Variants in STOX2 observed in about 807,000 individuals in gnomAD.
STOX2 encodes storkhead-box protein 2.
STOX2 carries 28 observed loss-of-function variants against 60.9 expected under a neutral mutation model. That is an observed-to-expected ratio of 0.46 (90% CI 0.34 to 0.63). The LOEUF is 0.63. Ranked by LOEUF, STOX2 falls within the 30% of genes least tolerant of loss-of-function variation. STOX2 has a pLI of 0.01. For missense variants in STOX2, 1,024 were observed against 1,187.7 expected, an observed-to-expected ratio of 0.86 and a Z score of 2.03; for synonymous variants, 472 against 463.9, an observed-to-expected ratio of 1.02 and a Z score of -0.22.
chr4:183,827,167 C>G (rs1377670566), intron 1 of STOX2, among the ~76,000 whole-genome samples: 2 of 152,020 alleles, frequency 1.3e-5, no homozygotes, highest in Non-Finnish European at 2.9e-5. Flanking sequence ...TAAAAATAAC[C>G]CCTATTTTAT....
intron 1 of STOX2, among the ~76,000 whole-genome samples, chr4:183,826,734 A>T (rs1049717311): frequency 4.6e-5 from 7 of 152,328 alleles, no homozygotes; most frequent in Admixed American, 1.3e-4. Context: ...CACAGTGTCC[A>T]CTACATAGAA....
chr4:183,978,659 G>C (rs1732537770), intron 1 of STOX2, among the ~76,000 whole-genome samples: 1 of 152,168 alleles, frequency 6.6e-6, no homozygotes, highest in Admixed American at 6.5e-5. Flanking sequence ...ACTTGCAACA[G>C]CATGGATACA....
intron 1 of STOX2, among the ~76,000 whole-genome samples, chr4:183,833,806 A>AC: frequency 6.7e-6 from 1 of 148,742 alleles, no homozygotes; most frequent in East Asian, 2.0e-4. Flanking sequence ...AAACGGTGAA[A>AC]CCCCGTCTCT....
Position 184,021,583 on chromosome 4 carries a change from A to G in STOX2, c.*4299A>G, listed in dbSNP as rs1474377354. On this transcript the variant is annotated 3_prime_UTR_variant, in exon 4 of 4. Transcript: ENST00000308497. ...CAGATCTGGACACACCCTTGTTTAC[A>G]GTTTCATATTGGGTTGCTATAGTTC... The G allele has an allele frequency of 6.6e-6, 1 of 152,232 alleles. No homozygotes were observed. Among genetic ancestry groups the G allele is most frequent in the Non-Finnish European group, 1.5e-5 (1 of 68,044 alleles). 9.4% of individuals were successfully genotyped at this position (152,232 alleles called of 1,614,324 possible).
Position 183,927,336 on chromosome 4 carries a change from A to T in STOX2, c.166+20380A>T, listed in dbSNP as rs140306608. On this transcript the variant is annotated intron_variant, in intron 1 of 3. Transcript: ENST00000308497. ...ACCTGCTTCATGGGATTGTTTGAGG[A>T]TCAAATGCCTTCATCAATGTAAAAC... 1.0e-3 allele frequency among the ~76,000 whole-genome samples: 156 copies of T among 152,330 alleles called. 1 individual carries two copies. Among genetic ancestry groups the T allele is most frequent in the African/African-American group, 3.6e-3 (149 of 41,574 alleles).
At chr4:183,864,211 G>A (rs763639638) in intron 1 of STOX2, among the ~76,000 whole-genome samples, 5 of 152,146 alleles carry the variant, frequency 3.3e-5, no homozygotes, top group Non-Finnish European at 7.3e-5. Context: ...AACATGCACT[G>A]TTATTCTCCA....
chr4:184,009,497 A>G lies in STOX2; in HGVS notation c.659A>G (p.Lys220Arg). Residue 220 changes from lysine to arginine, a missense_variant, in exon 3 of 4, where the codon AAG becomes AGG. Transcript: ENST00000308497. The surrounding 1 kb of genome is among the most constrained non-coding windows in gnomAD (Gnocchi z 4.0). ...HAPTLQRKSAKDCKDPYCPPS... is the reference protein window; with the variant it reads ...HAPTLQRKSARDCKDPYCPPS... ...CCCACCCTGCAAAGGAAGTCTGCCA[A>G]GGACTGCAAAGACCCTTACTGTCCC... The G allele has an allele frequency of 6.2e-7, 1 of 1,614,052 alleles. No homozygotes were observed. The highest frequency in any genetic ancestry group is 8.5e-7 in the Non-Finnish European group (1 of 1,179,894).
intron 2 of STOX2, among the ~76,000 whole-genome samples, chr4:184,004,228 T>G (rs1733719038): frequency 6.6e-6 from 1 of 152,164 alleles, no homozygotes; most frequent in African/African-American, 2.4e-5. Flanking sequence ...AAATCAAAAG[T>G]GTAGTCTAGA....
intron 1 of STOX2, among the ~76,000 whole-genome samples, chr4:183,854,205 A>G (rs1740233626): frequency 6.6e-6 from 1 of 152,200 alleles, no homozygotes; most frequent in South Asian, 2.1e-4. Context: ...TTGAATAATG[A>G]ATTGGTTCAT....
intron 1 of STOX2, among the ~76,000 whole-genome samples, chr4:183,822,590 G>T: frequency 1.3e-5 from 2 of 152,314 alleles, no homozygotes; most frequent in Middle Eastern, 6.8e-3. Context: ...TTCACAAAAG[G>T]GTTCACGCTC....
chr4:183,862,754 G>A (rs1393853769), intron 1 of STOX2, among the ~76,000 whole-genome samples: 1 of 152,216 alleles, frequency 6.6e-6, no homozygotes, highest in Non-Finnish European at 1.5e-5. Context: ...AGTGTCCTGA[G>A]AAAAACCAAG....
At position 183,852,548 on chromosome 4, in the gene STOX2, G is replaced by GGAAAGGATGAGAGAAAGGTTGAGA. The variant is rs1740179117; in HGVS notation, c.364+54511_364+54512insTTGAGAGAAAGGATGAGAGAAAGG. Among the ~76,000 whole-genome samples, 616 of 70,156 alleles carry GGAAAGGATGAGAGAAAGGTTGAGA rather than the reference G, an allele frequency of 8.8e-3. 71 individuals carry two copies. Among genetic ancestry groups the GGAAAGGATGAGAGAAAGGTTGAGA allele is most frequent in the African/African-American group, 0.033 (586 of 17,906 alleles). The allele number at this position is 70,156 out of a possible 152,430, so 46.0% of individuals were successfully genotyped here. ...GGGAAAGGATGAGGGAAAGGATGAG[G>GGAAAGGATGAGAGAAAGGTTGAGA]GAAAGGATGAGAGAAAGGATGAGGG... On this transcript the variant is annotated intron_variant, in intron 1 of 2. Coordinates refer to the STOX2 transcript ENST00000513034.
At chr4:183,847,751 A>G (rs1307319716) in intron 1 of STOX2, among the ~76,000 whole-genome samples, 2 of 152,204 alleles carry the variant, frequency 1.3e-5, no homozygotes, top group African/African-American at 4.8e-5. Context: ...ACCTGTGACC[A>G]GTTCCAGAGT....
At chr4:183,813,239 C>T (rs1207839472) in intron 1 of STOX2, among the ~76,000 whole-genome samples, 4 of 151,974 alleles carry the variant, frequency 2.6e-5, no homozygotes, top group South Asian at 2.1e-4. Flanking sequence ...AAAAATTAGC[C>T]GGGCAAGGTG....
In STOX2 at chr4:183,956,555, C is replaced by T. The variant is rs2111155426; in HGVS notation, c.167-44770C>T. ...GCACTAATGTTTTAGAGCTGCATTT[C>T]CTAAATGTTTCAGAGGTACATTTCC... On this transcript the variant is annotated intron_variant, in intron 1 of 3. Transcript: ENST00000308497. 2.0e-5 allele frequency among the ~76,000 whole-genome samples: 3 copies of T among 152,128 alleles called. 1 individual carries two copies. The highest frequency in any genetic ancestry group is 2.0e-4 in the Admixed American group (3 of 15,268).
chr4:183,948,540 CTTTTTTTTT>C (rs10687778), intron 1 of STOX2, among the ~76,000 whole-genome samples: 3 of 78,182 alleles, frequency 3.8e-5, no homozygotes, highest in Non-Finnish European at 6.8e-5. Context: ...ATGCCTTATC[CTTTTTTTTT>C]TTTTTTTTTT....
At chr4:183,918,610 A>C (rs1741999684) in intron 1 of STOX2, among the ~76,000 whole-genome samples, 1 of 152,212 alleles carries the variant, frequency 6.6e-6, no homozygotes, top group Non-Finnish European at 1.5e-5. Context: ...CCAGTTTTGA[A>C]AGTAAAGCCA....
At chr4:183,860,467 A>G (rs1740411457) in intron 1 of STOX2, among the ~76,000 whole-genome samples, 1 of 151,748 alleles carries the variant, frequency 6.6e-6, no homozygotes, top group African/African-American at 2.4e-5. Context: ...AAGAAGAAAA[A>G]GAAGAAAAAA....
chr4:183,951,916 C>G (rs1273409574), intron 1 of STOX2, among the ~76,000 whole-genome samples: 1 of 152,082 alleles, frequency 6.6e-6, no homozygotes. Flanking sequence ...TGCACTCTGG[C>G]CTGGGTGACA....
Sources: gnomAD v4.1 joint callset for allele counts (sites outside exome capture counted in the v4.1 genomes callset) on GRCh38, gnomAD v4.1.1 for gene constraint, Gnocchi (gnomAD v3.1) non-coding constraint, MANE v1.5 for transcripts, NCBI Gene and HGNC (gene_info 2026-07-23, HGNC 2026-07-21) for gene names.